Variants in ZNF341 observed in about 807,000 individuals in gnomAD.
ZNF341 encodes zinc finger protein 341.
Under a neutral mutation model 87.7 loss-of-function variants are expected in ZNF341, and 52 were observed. The ratio of observed to expected loss-of-function variants is 0.59; its 90% CI spans 0.47 to 0.75. ZNF341 has a LOEUF of 0.75. ZNF341 is among the 30% of genes least tolerant of loss of function. ZNF341 has a pLI of 0.00. For missense variants in ZNF341, 977 were observed against 1,145.9 expected (o/e 0.85, Z 2.13); for synonymous variants, 459 against 472.7 (o/e 0.97, Z 0.38).
chr20:33,752,279 G>T, intron 4 of ZNF341: 2 of 598,136 alleles, frequency 3.3e-6, no homozygotes, highest in South Asian at 2.8e-5. Context: ...ACATTTTCTG[G>T]ACAACCGCAC....
intron 8 of ZNF341, among the ~76,000 whole-genome samples, chr20:33,764,481 ATGTGTGTATATATATATG>A (rs1256090306): frequency 1.2e-4 from 17 of 139,860 alleles, no homozygotes; most frequent in African/African-American, 4.2e-4. Flanking sequence ...ATATATGTGT[ATGTGTGTATATATATATG>A]TGTGTGTATA....
Position 33,764,020 on chromosome 20 carries a change from CT to C in ZNF341, c.1222+1985del, listed in dbSNP as rs760255384. ...GCAATATGGTAAAACCCATCTCTCT[CT>C]TTTTTTTTTTTTTTTTTTTCTGAGA... On this transcript the variant is annotated intron_variant, in intron 8 of 14. Coordinates refer to ENST00000375200, the MANE Select transcript of ZNF341 (RefSeq NM_001282933.2). 8.1e-3 allele frequency among the ~76,000 whole-genome samples: 1,064 copies of C among 131,182 alleles called. 7 individuals are homozygous for C. Among genetic ancestry groups the C allele is most frequent in the Non-Finnish European group, 0.012 (711 of 60,932 alleles). The allele number at this position is 131,182 out of a possible 152,430, so 86.1% of individuals were successfully genotyped here.
chr20:33,756,477 C>T (rs1174671763), intron 5 of ZNF341, among the ~76,000 whole-genome samples: 1 of 151,834 alleles, frequency 6.6e-6, no homozygotes, highest in Non-Finnish European at 1.5e-5. Context: ...AGTGATTCTC[C>T]TGCCTTAGCC....
chr20:33,734,998 G>A (rs547043082), intron 1 of ZNF341, among the ~76,000 whole-genome samples: 1 of 151,482 alleles, frequency 6.6e-6, no homozygotes, highest in African/African-American at 2.4e-5. Flanking sequence ...GAGCCACTGA[G>A]CCTGGCCCAG....
At chr20:33,779,252 C>G (rs979867433) in intron 10 of ZNF341, among the ~76,000 whole-genome samples, 1 of 152,028 alleles carries the variant, frequency 6.6e-6, no homozygotes, top group Non-Finnish European at 1.5e-5. Context: ...TTTTAAACAG[C>G]TAGATCTCAT....
intron 11 of ZNF341, 62 bp downstream of exon 11, chr20:33,781,449 G>A: frequency 3.5e-6 from 5 of 1,424,476 alleles, no homozygotes; most frequent in Non-Finnish European, 5.0e-6. Flanking sequence ...AGGTGGGGTG[G>A]GGTGCACACC....
intron 13 of ZNF341, 114 bp downstream of exon 13, chr20:33,789,088 T>C (rs1348918681): frequency 1.3e-6 from 1 of 754,088 alleles, no homozygotes; most frequent in East Asian, 2.7e-5. Flanking sequence ...CTTTTTTTTT[T>C]TTTTGGAGAC....
Position 33,791,375 on chromosome 20 carries a change from C to T in ZNF341, c.2423C>T (p.Ala808Val), listed in dbSNP as rs200244607. 356 of 1,612,512 alleles carry T rather than the reference C, an allele frequency of 2.2e-4. 1 individual carries two copies. The East Asian group carries it at 5.6e-3, about 26-fold the overall frequency. The change falls in exon 15 of 15, where the codon GCG becomes GTG. Residue 808 changes from alanine (A) to valine (V), a missense_variant. Coordinates refer to ENST00000375200, the MANE Select transcript of ZNF341 (RefSeq NM_001282933.2). The stretch of plus-strand genomic sequence containing the variant: ...GTGCTGTCCATCGTTGTGGGTGGTG[C>T]GGTGGGCGCGGAAACTGAGCTGGTG... ...DAVLSIVVGG[A>V]VGAETELVVP... is the part of the protein sequence containing the mutation.
At chr20:33,765,647 T>C (rs550026238) in intron 8 of ZNF341, among the ~76,000 whole-genome samples, 9 of 152,290 alleles carry the variant, frequency 5.9e-5, no homozygotes, top group Admixed American at 3.9e-4. Flanking sequence ...CCTAAAGTGC[T>C]GGGATTATAG....
Position 33,781,271 on chromosome 20 carries a change from C to T in ZNF341, c.1623-20C>T. On this transcript the variant is annotated intron_variant, in intron 10 of 14. Coordinates refer to ENST00000375200, the MANE Select transcript of ZNF341 (RefSeq NM_001282933.2). The stretch of plus-strand genomic sequence containing the variant: ...GCCTGCTGTGTTTCCTCCCTCATCT[C>T]TCCTGCTCCTTCCACTTAGGTGTGT... 1.2e-6 allele frequency: 2 copies of T among 1,605,626 alleles called. No homozygotes were observed. Among genetic ancestry groups the T allele is most frequent in the Non-Finnish European group, 8.5e-7 (1 of 1,172,424 alleles).
rs113315182 is a variant in ZNF341, at chr20:33,765,223, G to A, written c.1223-1628G>A. Reference sequence around the variant, plus strand: ...TAAGCCATTCCCATGTAGACCCAAGGGTGAGCAATGCCAGGCACATGCTAG... The same window carrying A: ...TAAGCCATTCCCATGTAGACCCAAGAGTGAGCAATGCCAGGCACATGCTAG... On this transcript the variant is annotated intron_variant, in intron 8 of 14. Transcript: ENST00000375200. Among the ~76,000 whole-genome samples the A allele has an allele frequency of 2.9e-3, 442 of 152,202 alleles. 5 individuals carry two copies. The highest frequency in any genetic ancestry group is 0.01 in the African/African-American group (425 of 41,518).
intron 12 of ZNF341, 113 bp downstream of exon 12, chr20:33,783,977 C>T (rs1361285463): frequency 4.6e-6 from 5 of 1,086,002 alleles, no homozygotes; most frequent in Non-Finnish European, 6.6e-6. Flanking sequence ...CTGTCTCCCT[C>T]AGCCCCTTTT....
At chr20:33,736,820 C>G (rs556564076) in intron 1 of ZNF341, among the ~76,000 whole-genome samples, 1 of 152,266 alleles carries the variant, frequency 6.6e-6, no homozygotes, top group Non-Finnish European at 1.5e-5. Context: ...GAAGCTTGTT[C>G]AGGAGAGCTT....
rs192417644 is a variant in ZNF341, at chr20:33,744,051, G to T, written c.143-1052G>T. Among the ~76,000 whole-genome samples the T allele has an allele frequency of 3.6e-4, 55 of 152,332 alleles. No homozygotes were observed. The East Asian group carries it at 0.011, about 29-fold the overall frequency. ...AATCCCAGCACTTTGGGAGGCTGAG[G>T]TGAGTGGATCCCTTGAGGTCAGGAA... On this transcript the variant is annotated intron_variant, in intron 2 of 14. Transcript: ENST00000375200.
At chr20:33,755,931 A>G (rs890798226) in intron 5 of ZNF341, among the ~76,000 whole-genome samples, 30 of 152,118 alleles carry the variant, frequency 2.0e-4, no homozygotes, top group South Asian at 8.3e-4. Context: ...AGACCAATGG[A>G]TGATGAATAG....
At chr20:33,783,664 G>A in intron 11 of ZNF341, 68 bp from the exon 12 acceptor site, 1 of 1,608,550 alleles carries the variant, frequency 6.2e-7, no homozygotes, top group Non-Finnish European at 8.5e-7. Flanking sequence ...AGGAACCTTT[G>A]AGTTCAGAAG....
chr20:33,747,106 C>T (rs1380731507), intron 3 of ZNF341, among the ~76,000 whole-genome samples: 1 of 152,116 alleles, frequency 6.6e-6, no homozygotes. Context: ...ATAGGGGGCT[C>T]ATAGAAAGAC....
intron 9 of ZNF341, among the ~76,000 whole-genome samples, chr20:33,768,782 T>G (rs1421617954): frequency 6.6e-6 from 1 of 152,094 alleles, no homozygotes; most frequent in East Asian, 1.9e-4. Context: ...TTCACTTTTT[T>G]AGGTAGAAGG....
At chr20:33,741,084 G>A in intron 2 of ZNF341, 72 bp downstream of exon 2, 1 of 1,429,882 alleles carries the variant, frequency 7.0e-7, no homozygotes, top group Non-Finnish European at 9.8e-7. Context: ...AGCTTGTGCT[G>A]GGCTGTGGGA....
Sources: allele counts gnomAD v4.1 joint callset (sites outside exome capture counted in the v4.1 genomes callset), GRCh38; gene constraint gnomAD v4.1.1; transcripts MANE v1.5; gene names NCBI Gene and HGNC (gene_info 2026-07-23, HGNC 2026-07-21).